QTMAN: variants seen among roughly 807,000 people sequenced by gnomAD.
QTMAN encodes queuosine-tRNA mannosyltransferase.
At chr2:144,065,924 A>G in the QTMAN span, among the ~76,000 whole-genome samples, 13 of 152,152 alleles carry the variant, frequency 8.5e-5, no homozygotes, top group African/African-American at 3.1e-4. Flanking sequence ...GGAATCAAAG[A>G]TAACCAAAGC....
the QTMAN span, among the ~76,000 whole-genome samples, chr2:144,244,265 A>G: frequency 2.0e-5 from 3 of 152,212 alleles, no homozygotes; most frequent in Non-Finnish European, 4.4e-5. Context: ...TTCATGTACA[A>G]CAACATTGGG....
At chr2:144,290,577 A>G in the QTMAN span, among the ~76,000 whole-genome samples, 4 of 152,158 alleles carry the variant, frequency 2.6e-5, no homozygotes, top group Admixed American at 2.6e-4. Flanking sequence ...AAGGCTGTCA[A>G]TGGTTTAGAA....
the QTMAN span, among the ~76,000 whole-genome samples, chr2:144,005,238 T>A: frequency 1.3e-5 from 2 of 152,184 alleles, no homozygotes; most frequent in East Asian, 3.9e-4. Flanking sequence ...GAGCATAAAG[T>A]GCTTTTCTTT....
At chr2:144,220,365 C>A in the QTMAN span, among the ~76,000 whole-genome samples, 1 of 152,054 alleles carries the variant, frequency 6.6e-6, no homozygotes. Flanking sequence ...TACTATTGTC[C>A]AAAGTTTCTG....
At chr2:144,161,810 T>C in the QTMAN span, among the ~76,000 whole-genome samples, 1 of 152,346 alleles carries the variant, frequency 6.6e-6, no homozygotes, top group East Asian at 1.9e-4. Flanking sequence ...TTGGATAATT[T>C]ATTCAAGGAG....
At chr2:144,199,107 A>T in the QTMAN span, among the ~76,000 whole-genome samples, 2 of 150,836 alleles carry the variant, frequency 1.3e-5, no homozygotes, top group Non-Finnish European at 3.0e-5. Flanking sequence ...GAGTGCAATG[A>T]CACAAGCTCG....
At chr2:144,072,073 CT>C in the QTMAN span, among the ~76,000 whole-genome samples, 4 of 152,060 alleles carry the variant, frequency 2.6e-5, no homozygotes, top group African/African-American at 9.7e-5. Context: ...ATGTTTATTT[CT>C]TTGCTCACAC....
the QTMAN span, among the ~76,000 whole-genome samples, chr2:143,981,939 A>G: frequency 2.0e-5 from 3 of 152,104 alleles, no homozygotes; most frequent in African/African-American, 7.2e-5. Context: ...AGTCCCTTTC[A>G]TGATATCAAA....
chr2:144,239,690 CT>C, the QTMAN span, among the ~76,000 whole-genome samples: 1 of 152,142 alleles, frequency 6.6e-6, no homozygotes, highest in Admixed American at 6.5e-5. Flanking sequence ...CATTAATTTG[CT>C]TTGTATTGCC....
At chr2:144,169,756 C>A in the QTMAN span, among the ~76,000 whole-genome samples, 2 of 151,968 alleles carry the variant, frequency 1.3e-5, no homozygotes, top group Non-Finnish European at 2.9e-5. Flanking sequence ...CCTTATATTA[C>A]TGTCCTCTCA....
chr2:144,201,502 G>GT, the QTMAN span, among the ~76,000 whole-genome samples: 1 of 152,310 alleles, frequency 6.6e-6, no homozygotes, highest in African/African-American at 2.4e-5. Context: ...GGAAATCACG[G>GT]ATGGCTTTCA....
chr2:144,052,709 T>C, the QTMAN span, among the ~76,000 whole-genome samples: 1 of 152,334 alleles, frequency 6.6e-6, no homozygotes, highest in Non-Finnish European at 1.5e-5. Context: ...TGGAGTGCGG[T>C]GGCACGATCT....
chr2:144,085,906 T>C, the QTMAN span, among the ~76,000 whole-genome samples: 1 of 152,208 alleles, frequency 6.6e-6, no homozygotes, highest in Non-Finnish European at 1.5e-5. Flanking sequence ...AGTCTCCATT[T>C]CAGTACCTTC....
the QTMAN span, among the ~76,000 whole-genome samples, chr2:144,327,024 A>G: frequency 6.6e-6 from 1 of 152,172 alleles, no homozygotes; most frequent in African/African-American, 2.4e-5. Flanking sequence ...CCTCAGGGAA[A>G]GCCTCTGACC....
the QTMAN span, among the ~76,000 whole-genome samples, chr2:143,991,783 T>TG: frequency 3.0e-4 from 27 of 90,004 alleles, no homozygotes; most frequent in Non-Finnish European, 3.0e-4. Context: ...GGGAGGGAGG[T>TG]GGGGGGTCAG....
At chr2:144,316,691 C>T in the QTMAN span, among the ~76,000 whole-genome samples, 1 of 152,162 alleles carries the variant, frequency 6.6e-6, no homozygotes, top group Non-Finnish European at 1.5e-5. Flanking sequence ...TATGTCACTG[C>T]TTCTCAAGAA....
At chr2:144,124,413 T>C in the QTMAN span, among the ~76,000 whole-genome samples, 2 of 152,172 alleles carry the variant, frequency 1.3e-5, no homozygotes, top group South Asian at 2.1e-4. Flanking sequence ...AAATAAGATA[T>C]GCAAAATGAA....
the QTMAN span, among the ~76,000 whole-genome samples, chr2:144,299,276 T>C: frequency 6.6e-6 from 1 of 152,232 alleles, no homozygotes; most frequent in Admixed American, 6.5e-5. Context: ...TCTAACAAAA[T>C]CTTCCCCCCC....
At chr2:144,063,177 G>C in the QTMAN span, among the ~76,000 whole-genome samples, 1 of 152,118 alleles carries the variant, frequency 6.6e-6, no homozygotes, top group Admixed American at 6.5e-5. Context: ...GAGAAATGGA[G>C]AAACACAGTT....
Sources: gnomAD v4.1 joint callset for allele counts (sites outside exome capture counted in the v4.1 genomes callset) on GRCh38, gnomAD v4.1.1 for gene constraint, MANE v1.5 for transcripts, NCBI Gene and HGNC (gene_info 2026-07-23, HGNC 2026-07-21) for gene names.